CLK3: variants seen among roughly 807,000 people sequenced by gnomAD.
CLK3 encodes the protein dual specificity protein kinase CLK3.
CLK3 carries 24 observed loss-of-function variants against 65.2 expected under a neutral mutation model. That is an observed-to-expected ratio of 0.37 (90% CI 0.27 to 0.52). The LOEUF (loss-of-function observed/expected upper bound fraction) is 0.52, where lower values mean the gene tolerates loss of function less well. Among genes scored for constraint, CLK3 ranks in the 20% least tolerant of loss-of-function variants. CLK3 has a pLI of 0.92. For synonymous variants in CLK3, 252 were observed against 240.8 expected, an observed-to-expected ratio of 1.05 and a Z score of -0.43; for missense variants, 506 against 660.0, an observed-to-expected ratio of 0.77 and a Z score of 2.56.
chr15:74,619,162 G>A lies in CLK3; in HGVS notation c.1-35G>A, dbSNP rs909522467. ...CCCATGGCTGGAGGTGGCTGGCTGTGTGTTTAGCAGGGCTCTCTGTTCCTC... is the reference window on the plus strand; with the variant it reads ...CCCATGGCTGGAGGTGGCTGGCTGTATGTTTAGCAGGGCTCTCTGTTCCTC... On this transcript the variant is annotated intron_variant, in intron 1 of 12. Transcript: ENST00000395066. 1.9e-5 allele frequency: 31 copies of A among 1,609,198 alleles called. No homozygotes were observed. The African/African-American group carries it at 3.7e-4, about 19-fold the overall frequency.
chr15:74,624,538 G>C lies in CLK3; in HGVS notation c.534-364G>C. On this transcript the variant is annotated intron_variant, in intron 5 of 12. Coordinates refer to ENST00000395066, the MANE Select transcript of CLK3 (RefSeq NM_001130028.2). This position sits in a 1 kb window ranked among gnomAD's most constrained non-coding sequence, Gnocchi z 4.2. ...GGAGGGTTCTCGGTGGGACAGCCTGGCCAGGGTTGGGGCTGCCTGGCCTAT... is the reference window on the plus strand; with the variant it reads ...GGAGGGTTCTCGGTGGGACAGCCTGCCCAGGGTTGGGGCTGCCTGGCCTAT... The C allele has an allele frequency of 5.0e-6, 1 of 201,586 alleles. No homozygotes were observed. The allele number at this position is 201,586 out of a possible 1,614,324, so 12.5% of individuals were successfully genotyped here.
intron 11 of CLK3, 126 bp from the exon 12 acceptor site, chr15:74,628,816 C>G: frequency 9.1e-6 from 9 of 993,380 alleles, no homozygotes; most frequent in Non-Finnish European, 1.4e-5. Flanking sequence ...AAAGCCTTCC[C>G]TGTGTGCCCC....
chr15:74,623,343 T>C (rs2062118252), intron 5 of CLK3, among the ~76,000 whole-genome samples: 3 of 152,204 alleles, frequency 2.0e-5, no homozygotes, highest in Non-Finnish European at 4.4e-5. Flanking sequence ...ATGCCACCCA[T>C]ATGTGGCCCT....
At chr15:74,628,788 T>C in intron 11 of CLK3, 105 bp downstream of exon 11, 1 of 1,100,984 alleles carries the variant, frequency 9.1e-7, no homozygotes, top group Non-Finnish European at 1.3e-6. Context: ...GGACAGTCCA[T>C]GGTTCCGCAG....
chr15:74,615,655 C>T, upstream of CLK3: 1 of 1,247,880 alleles, frequency 8.0e-7, no homozygotes. Flanking sequence ...AGGCTCGTCC[C>T]CTCGGCCCTC....
At chr15:74,620,328 A>T (rs2062092198) in intron 3 of CLK3, 103 bp downstream of exon 3, 1 of 1,500,350 alleles carries the variant, frequency 6.7e-7, no homozygotes, top group East Asian at 2.3e-5. Context: ...AGCCCTGTGC[A>T]CGTGCACTGG....
intron 6 of CLK3, 129 bp downstream of exon 6, chr15:74,625,147 A>C: frequency 8.6e-6 from 6 of 698,398 alleles, no homozygotes; most frequent in Non-Finnish European, 1.5e-5. Context: ...GAGTGTGGCA[A>C]AGGTCTTGCT....
At chr15:74,617,173 T>C (rs2062067254) in intron 1 of CLK3, among the ~76,000 whole-genome samples, 1 of 152,192 alleles carries the variant, frequency 6.6e-6, no homozygotes, top group South Asian at 2.1e-4. Flanking sequence ...AGAGATGTTA[T>C]CTCCATTTTC....
In CLK3 at chr15:74,629,715, G is replaced by T; in HGVS notation, c.1305G>T (p.Met435Ile). Reference protein sequence around the residue: ...KENCKPLKSYMLQDSLEHVQL... With the variant: ...KENCKPLKSYILQDSLEHVQL... ...CTTGTGTCCCTGAGCAGAGTTACAT[G>T]CTCCAAGACTCCCTGGAGCACGTGC... Residue 435 changes from methionine to isoleucine, a missense_variant, in exon 13 of 13, where the codon ATG (methionine) becomes ATT (isoleucine). Physicochemically the swap from Met to Ile is conservative, Grantham distance 10. Transcript: ENST00000395066. 2 of 1,611,838 alleles carry T rather than the reference G, an allele frequency of 1.2e-6. No individual in the cohort carries two copies. The highest frequency in any genetic ancestry group is 1.7e-6 in the Non-Finnish European group (2 of 1,178,814).
chr15:74,629,031 A>C lies in CLK3; in HGVS notation c.1295A>C (p.Lys432Thr), dbSNP rs2062168581. The change falls in exon 12 of 13, where the codon AAG (lysine) becomes ACG (threonine). Residue 432 changes from lysine (K) to threonine (T), a missense_variant and splice_region_variant. By Grantham distance (78) the Lys-to-Thr change is moderately conservative (BLOSUM62 -1). Coordinates refer to ENST00000395066, the MANE Select transcript of CLK3 (RefSeq NM_001130028.2). ...GTGAAGGAGAACTGCAAACCTCTGAAGGTCAGTTTCTGGCTACCCCCAGCT... is the reference window on the plus strand; with the variant it reads ...GTGAAGGAGAACTGCAAACCTCTGACGGTCAGTTTCTGGCTACCCCCAGCT... ...RYVKENCKPLKSYMLQDSLEH... is the reference protein window; with the variant it reads ...RYVKENCKPLTSYMLQDSLEH... 1 of 1,611,708 alleles carries C rather than the reference A, an allele frequency of 6.2e-7. No individual in the cohort carries two copies. Among genetic ancestry groups the C allele is most frequent in the Non-Finnish European group, 8.5e-7 (1 of 1,177,756 alleles).
chr15:74,620,048 C>T lies in CLK3; in HGVS notation c.192C>T (p.Arg64=), dbSNP rs769258296. The T allele has an allele frequency of 6.2e-6, 10 of 1,614,068 alleles. No individual in the cohort carries two copies. In the South Asian group the frequency reaches 1.1e-4, roughly 18 times the overall value. ...RLPYQRRYRE[R]RDSDTYRCEE... ...CCTACCAGAGGAGGTACCGGGAGCG[C>T]CGTGACAGCGATACATACCGGTGTG... The change falls in exon 3 of 13, where the codon CGC becomes CGT. Residue 64 remains arginine, a synonymous_variant. Coordinates refer to ENST00000395066, the MANE Select transcript of CLK3 (RefSeq NM_001130028.2).
chr15:74,626,502 A>G (rs1741274673), intron 7 of CLK3, among the ~76,000 whole-genome samples: 1 of 152,234 alleles, frequency 6.6e-6, no homozygotes, highest in Non-Finnish European at 1.5e-5. Context: ...GTCACCCCGC[A>G]TCGCTCCCCT....
chr15:74,624,893 G>T lies in CLK3; in HGVS notation c.534-9G>T. The T allele has an allele frequency of 6.3e-7, 1 of 1,590,776 alleles. No individual in the cohort carries two copies. Reference sequence around the variant, plus strand: ...TGATGAGAACCTCTGTTTCCTTCCCGGGTACCAGAGGGAAGTCTCAGGTTG... The same window carrying T: ...TGATGAGAACCTCTGTTTCCTTCCCTGGTACCAGAGGGAAGTCTCAGGTTG... On this transcript the variant is annotated splice_polypyrimidine_tract_variant and intron_variant, in intron 5 of 12. Coordinates refer to ENST00000395066, the MANE Select transcript of CLK3 (RefSeq NM_001130028.2). This position sits in a 1 kb window ranked among gnomAD's most constrained non-coding sequence, Gnocchi z 4.2.
chr15:74,622,406 T>C lies in CLK3; in HGVS notation c.467-88T>C. The C allele has an allele frequency of 8.6e-7, 1 of 1,164,134 alleles. No homozygotes were observed. Among genetic ancestry groups the C allele is most frequent in the Non-Finnish European group, 1.2e-6 (1 of 802,240 alleles). The allele number at this position is 1,164,134 out of a possible 1,614,324, so 72.1% of individuals were successfully genotyped here. ...AGCAGTGAGAGAGAAACCTTTTTTG[T>C]TTTTGAGAATTTGAATGCTGTGAAC... On this transcript the variant is annotated intron_variant, in intron 4 of 12. Coordinates refer to ENST00000395066, the MANE Select transcript of CLK3 (RefSeq NM_001130028.2). This position sits in a 1 kb window ranked among gnomAD's most constrained non-coding sequence, Gnocchi z 4.6.
intron 1 of CLK3, among the ~76,000 whole-genome samples, chr15:74,618,095 G>A (rs751818583): frequency 3.3e-5 from 5 of 152,192 alleles, no homozygotes; most frequent in Non-Finnish European, 7.3e-5. Context: ...CTGCTGGTGA[G>A]ATGGGGCAGC....
At position 74,622,482 on chromosome 15, in the gene CLK3, T is replaced by C. The variant is rs1278009576; in HGVS notation, c.467-12T>C. 1.8e-5 allele frequency: 29 copies of C among 1,600,882 alleles called. No individual in the cohort carries two copies. The highest frequency in any genetic ancestry group is 2.5e-5 in the Non-Finnish European group (29 of 1,174,048). On this transcript the variant is annotated splice_polypyrimidine_tract_variant and intron_variant, in intron 4 of 12. Coordinates refer to ENST00000395066, the MANE Select transcript of CLK3 (RefSeq NM_001130028.2). This position sits in a 1 kb window ranked among gnomAD's most constrained non-coding sequence, Gnocchi z 4.6. ...CTCCAGATTCTCATGCCCAATTTCT[T>C]TTCTCTCCTAGATGAGATTGTGGGG...
intron 1 of CLK3, among the ~76,000 whole-genome samples, chr15:74,617,531 G>A (rs538945540): frequency 6.6e-6 from 1 of 152,366 alleles, no homozygotes; most frequent in South Asian, 2.1e-4. Flanking sequence ...TTGTTCAAAG[G>A]CACACAGCTA....
upstream of CLK3, chr15:74,613,660 C>T (rs1228773015): frequency 1.3e-5 from 2 of 152,186 alleles, no homozygotes; most frequent in Non-Finnish European, 2.9e-5. Context: ...CCCATCAGAG[C>T]CTATAGCTCA....
intron 7 of CLK3, among the ~76,000 whole-genome samples, chr15:74,626,339 C>T (rs1056014892): frequency 6.6e-6 from 1 of 152,238 alleles, no homozygotes; most frequent in Non-Finnish European, 1.5e-5. Flanking sequence ...CATGGAGACC[C>T]TCGGTCTAAC....
Sources: gnomAD v4.1 joint callset for allele counts (sites outside exome capture counted in the v4.1 genomes callset) on GRCh38, gnomAD v4.1.1 for gene constraint, Gnocchi (gnomAD v3.1) non-coding constraint, MANE v1.5 for transcripts, NCBI Gene and HGNC (gene_info 2026-07-23, HGNC 2026-07-21) for gene names.